Variants in ATG2A observed in about 807,000 individuals in gnomAD.
ATG2A encodes the protein autophagy related 2A.
A neutral mutation model predicts 214.2 loss-of-function variants in ATG2A; 103 were observed. The observed-to-expected ratio is 0.48, with a 90% CI of 0.41 to 0.57. The LOEUF (loss-of-function observed/expected upper bound fraction) is 0.57. Ranked by LOEUF, ATG2A falls within the 20% of genes least tolerant of loss-of-function variation. The probability of loss-of-function intolerance (pLI) is 0.00; values close to 1 mark genes in which losing one functional copy is unlikely to be tolerated. For synonymous variants in ATG2A, 1,160 were observed against 1,142.1 expected (o/e 1.02, Z -0.32); for missense variants, 2,312 against 2,613.2 (o/e 0.88, Z 2.51).
rs758140381 is a variant in ATG2A at position 64,896,778 on chromosome 11, C to T, written c.5242G>A (p.Val1748Met). The T allele has an allele frequency of 3.1e-5, 50 of 1,614,112 alleles. No individual in the cohort carries two copies. The South Asian group carries it at 3.7e-4, about 12-fold the overall frequency. ...TGGACAACCGAGTGCATGGGGCCCA[C>T]GCCTCCCAGCAGGCCGGGCAGCTGG... is the stretch of plus-strand genomic sequence containing the variant. Reference protein sequence around the residue: ...KNQLPGLLGGVGPMHSVVQLF... With the variant: ...KNQLPGLLGGMGPMHSVVQLF... Residue 1748 changes from valine (V) to methionine (M), a missense_variant, in exon 38 of 41, where the codon GTG (valine) becomes ATG (methionine). Coordinates refer to ENST00000377264, the MANE Select transcript of ATG2A (RefSeq NM_015104.3).
At chr11:64,905,881 G>T in intron 22 of ATG2A, 33 bp from the exon 23 acceptor site, 1 of 1,598,654 alleles carries the variant, frequency 6.3e-7, no homozygotes, top group South Asian at 1.1e-5. Context: ...AAGCAGTGAG[G>T]ATCAGGTGGT....
At position 64,907,302 on chromosome 11, in the gene ATG2A, G is replaced by C; in HGVS notation, c.2785C>G (p.Leu929Val). 1.3e-6 allele frequency: 2 copies of C among 1,550,864 alleles called. No individual in the cohort carries two copies. Among genetic ancestry groups the C allele is most frequent in the Non-Finnish European group, 1.7e-6 (2 of 1,147,062 alleles). ...SLHLQSTFST[L>V]VTVLKGRITA... ...ATCCGCCCCTTCAGCACTGTCACCA[G>C]TGTAGAGAAGGTGCTCTGCAAGTGA... Residue 929 changes from leucine (L) to valine (V), a missense_variant, in exon 19 of 41, where the codon CTG becomes GTG. Transcript: ENST00000377264.
chr11:64,909,178 C>T, intron 15 of ATG2A, 28 bp from the exon 16 acceptor site: 1 of 1,605,714 alleles, frequency 6.2e-7, no homozygotes, highest in Non-Finnish European at 8.5e-7. Flanking sequence ...TGTTACTGGC[C>T]TGCAGGGCCC....
Position 64,907,299 on chromosome 11 carries a change from C to A in ATG2A, c.2788G>T (p.Val930Leu). Reference sequence around the variant, plus strand: ...GTGATCCGCCCCTTCAGCACTGTCACCAGTGTAGAGAAGGTGCTCTGCAAG... The same window carrying A: ...GTGATCCGCCCCTTCAGCACTGTCAACAGTGTAGAGAAGGTGCTCTGCAAG... ...LHLQSTFSTLVTVLKGRITAL... is the reference protein window; with the variant it reads ...LHLQSTFSTLLTVLKGRITAL... The change falls in exon 19 of 41, where the codon GTG (valine) becomes TTG (leucine). Residue 930 changes from valine to leucine, a missense_variant. Coordinates refer to ENST00000377264, the MANE Select transcript of ATG2A (RefSeq NM_015104.3). The A allele has an allele frequency of 1.3e-6, 2 of 1,549,606 alleles. No individual in the cohort carries two copies. The highest frequency in any genetic ancestry group is 1.7e-6 in the Non-Finnish European group (2 of 1,146,318).
chr11:64,906,160 T>C lies in ATG2A; in HGVS notation c.3217A>G (p.Thr1073Ala). The change falls in exon 22 of 41, where the codon ACC (threonine) becomes GCC (alanine). Residue 1073 changes from threonine to alanine, a missense_variant. Physicochemically the swap from Thr to Ala is moderately conservative, Grantham distance 58. Coordinates refer to ENST00000377264, the MANE Select transcript of ATG2A (RefSeq NM_015104.3). ...FLVTLRLHKA[T>A]LRHYMALPEQ... The stretch of plus-strand genomic sequence containing the variant: ...GGCAGGGCCATGTAGTGGCGCAAGG[T>C]GGCTTTGTGCAACCGCAGTGTCACC... 6.2e-7 allele frequency: 1 copy of C among 1,605,420 alleles called. No individual in the cohort carries two copies. The highest frequency in any genetic ancestry group is 8.5e-7 in the Non-Finnish European group (1 of 1,176,254).
rs754243437 is a variant in ATG2A at position 64,902,556 on chromosome 11, G to T, written c.3737C>A (p.Pro1246Gln). 2.3e-5 allele frequency: 36 copies of T among 1,557,584 alleles called. No homozygotes were observed. The highest frequency in any genetic ancestry group is 8.2e-5 in the African/African-American group (6 of 73,396). The change falls in exon 27 of 41, where the codon CCA becomes CAA. Residue 1246 changes from proline (P) to glutamine (Q), a missense_variant. Transcript: ENST00000377264. The stretch of plus-strand genomic sequence containing the variant: ...CTCCGTGGGGCTGGGGGGCCGGGGT[G>T]GGGGGTGCAGATCGCCTGTGCTCAT... ...YVMSTGDLHP[P>Q]PRPPSPTEIA...
At chr11:64,916,251 T>TC in intron 1 of ATG2A, among the ~76,000 whole-genome samples, 1 of 151,986 alleles carries the variant, frequency 6.6e-6, no homozygotes, top group African/African-American at 2.4e-5. Context: ...AAGCCAGATC[T>TC]CCCCACCTTT....
chr11:64,913,195 G>T lies in ATG2A; in HGVS notation c.727-59C>A. 1 of 1,609,204 alleles carries T rather than the reference G, an allele frequency of 6.2e-7. No homozygotes were observed. The highest frequency in any genetic ancestry group is 2.2e-5 in the East Asian group (1 of 44,724). On this transcript the variant is annotated intron_variant, in intron 5 of 40. Coordinates refer to ENST00000377264, the MANE Select transcript of ATG2A (RefSeq NM_015104.3). The surrounding 1 kb of genome is among the most constrained non-coding windows in gnomAD (Gnocchi z 4.3). ...GAGAAAATGGAGTCAGAGATGGTCA[G>T]AAAGGATGGGAGGGGCTCAATGGGC... is the stretch of plus-strand genomic sequence containing the variant.
chr11:64,916,688 G>A (rs1944998708), intron 1 of ATG2A, among the ~76,000 whole-genome samples: 1 of 151,986 alleles, frequency 6.6e-6, no homozygotes. Flanking sequence ...CCCCAAACTC[G>A]ACGAGTTTGT....
Position 64,894,942 on chromosome 11 carries a change from C to A in ATG2A, c.*31G>T. 1 of 1,609,278 alleles carries A rather than the reference C, an allele frequency of 6.2e-7. No individual in the cohort carries two copies. Among genetic ancestry groups the A allele is most frequent in the Non-Finnish European group, 8.5e-7 (1 of 1,177,918 alleles). On this transcript the variant is annotated 3_prime_UTR_variant, in exon 41 of 41. Coordinates refer to ENST00000377264, the MANE Select transcript of ATG2A (RefSeq NM_015104.3). The stretch of plus-strand genomic sequence containing the variant: ...TTGGGAGGCTCAGGAGCATGGTGGG[C>A]AGCACCCTCTGGGTGCCGGGCACCC...
At position 64,903,306 on chromosome 11, in the gene ATG2A, C is replaced by A; in HGVS notation, c.3594G>T (p.Gly1198=). The change falls in exon 26 of 41, where the codon GGG becomes GGT. Residue 1198 remains glycine (G), a synonymous_variant. Transcript: ENST00000377264. The surrounding 1 kb of genome is among the most constrained non-coding windows in gnomAD (Gnocchi z 4.2). Reference sequence around the variant, plus strand: ...CACTCACCAGTTTGCCCTCGGTGCTCCCTTTCCAGGTTTTAATCACAAGTT... The same window carrying A: ...CACTCACCAGTTTGCCCTCGGTGCTACCTTTCCAGGTTTTAATCACAAGTT... ...LLELVIKTWK[G]STEGKLSQPL... 1 of 1,614,018 alleles carries A rather than the reference C, an allele frequency of 6.2e-7. No individual in the cohort carries two copies. Among genetic ancestry groups the A allele is most frequent in the Non-Finnish European group, 8.5e-7 (1 of 1,179,980 alleles).
rs1262104350 is a variant in ATG2A at position 64,901,530 on chromosome 11, CACCCG to C, written c.4119+427_4119+431del. On this transcript the variant is annotated intron_variant, in intron 29 of 40. Transcript: ENST00000377264. Reference sequence around the variant, plus strand: ...AAAGATGACACTCCTGGGTTGCTATCACCCGAGTCTATGCCTGAGTGGTCTGTCCA... The same window carrying C: ...AAAGATGACACTCCTGGGTTGCTATCAGTCTATGCCTGAGTGGTCTGTCCA... 3.3e-5 allele frequency among the ~76,000 whole-genome samples: 5 copies of C among 152,226 alleles called. No homozygotes were observed. The South Asian group carries it at 1.0e-3, about 32-fold the overall frequency.
At chr11:64,910,003 AC>A (rs1452190341) in intron 13 of ATG2A, 36 bp downstream of exon 13, 3 of 1,561,238 alleles carry the variant, frequency 1.9e-6, no homozygotes, top group Non-Finnish European at 2.6e-6. Flanking sequence ...CAGGCCCTGC[AC>A]CCACCCCCGG....
At chr11:64,896,897 G>A in intron 37 of ATG2A, 28 bp from the exon 38 acceptor site, 1 of 1,611,246 alleles carries the variant, frequency 6.2e-7, no homozygotes, top group Non-Finnish European at 8.5e-7. Context: ...TGAGGAGGCA[G>A]AAGGTGAGGC....
At chr11:64,905,177 C>T (rs1393110746) in intron 24 of ATG2A, among the ~76,000 whole-genome samples, 1 of 152,174 alleles carries the variant, frequency 6.6e-6, no homozygotes, top group Non-Finnish European at 1.5e-5. Context: ...TGAAGGGATT[C>T]TTCAGCTTCA....
At chr11:64,912,284 G>GCCCCGGCCC in intron 7 of ATG2A, 35 bp from the exon 8 acceptor site, 1 of 1,602,390 alleles carries the variant, frequency 6.2e-7, no homozygotes, top group Non-Finnish European at 8.5e-7. Context: ...GGGCTGGCTG[G>GCCCCGGCCC]CCCTCCCAGC....
At position 64,895,392 on chromosome 11, in the gene ATG2A, G is replaced by A. The variant is rs1944115688; in HGVS notation, c.5478C>T (p.Ser1826=). 6.2e-7 allele frequency: 1 copy of A among 1,610,120 alleles called. No homozygotes were observed. The highest frequency in any genetic ancestry group is 1.3e-5 in the African/African-American group (1 of 74,852). Residue 1826 remains serine, a synonymous_variant, in exon 40 of 41, where the codon TCC becomes TCT. Coordinates refer to ENST00000377264, the MANE Select transcript of ATG2A (RefSeq NM_015104.3). This position sits in a 1 kb window ranked among gnomAD's most constrained non-coding sequence, Gnocchi z 5.0. ...YDILSPAAPV[S]RSLQDKRSAR... is the part of the protein sequence containing the mutation. Reference sequence around the variant, plus strand: ...CAGAGCGCTTATCCTGCAGGGAGCGGGAGACGGGGGCTGCCGGGGACAGGA... The same window carrying A: ...CAGAGCGCTTATCCTGCAGGGAGCGAGAGACGGGGGCTGCCGGGGACAGGA...
At position 64,917,177 on chromosome 11, in the gene ATG2A, G is replaced by C; in HGVS notation, c.-42C>G. Reference sequence around the variant, plus strand: ...CCTGGGCCGCCTCCGCTTGCCGCCCGCCGGCGATCCCCGTCCGGCTCCGCT... The same window carrying C: ...CCTGGGCCGCCTCCGCTTGCCGCCCCCCGGCGATCCCCGTCCGGCTCCGCT... On this transcript the variant is annotated 5_prime_UTR_variant, in exon 1 of 41. Transcript: ENST00000377264. 1 of 1,550,972 alleles carries C rather than the reference G, an allele frequency of 6.4e-7. No homozygotes were observed. Among genetic ancestry groups the C allele is most frequent in the Non-Finnish European group, 8.7e-7 (1 of 1,147,454 alleles).
chr11:64,917,036 T>G lies in ATG2A; in HGVS notation c.100A>C (p.Ser34Arg). The G allele has an allele frequency of 6.2e-7, 1 of 1,613,852 alleles. No homozygotes were observed. Among genetic ancestry groups the G allele is most frequent in the Admixed American group, 1.7e-5 (1 of 60,022 alleles). ...YLGHFFQEHL[S>R]LDQLSLDLYK... Reference sequence around the variant, plus strand: ...AGATCGAGGCTGAGCTGGTCCAGGCTGAGGTGCTCTTGGAAGAAGTGACCT... The same window carrying G: ...AGATCGAGGCTGAGCTGGTCCAGGCGGAGGTGCTCTTGGAAGAAGTGACCT... The change falls in exon 1 of 41, where the codon AGC (serine) becomes CGC (arginine). Residue 34 changes from serine (S) to arginine (R), a missense_variant. Physicochemically the swap from Ser to Arg is moderately radical, Grantham distance 110 (BLOSUM62 -1). Transcript: ENST00000377264.
Sources: gnomAD v4.1 joint callset for allele counts (sites outside exome capture counted in the v4.1 genomes callset) on GRCh38, gnomAD v4.1.1 for gene constraint, Gnocchi (gnomAD v3.1) non-coding constraint, MANE v1.5 for transcripts, NCBI Gene and HGNC (gene_info 2026-07-23, HGNC 2026-07-21) for gene names.